MAGI2: variants seen among roughly 807,000 people sequenced by gnomAD.
MAGI2 encodes the protein membrane associated guanylate kinase, WW and PDZ domain containing 2.
A neutral mutation model predicts 133.3 loss-of-function variants in MAGI2; 35 were observed. The observed-to-expected ratio is 0.26, with a 90% CI of 0.20 to 0.35. The LOEUF (loss-of-function observed/expected upper bound fraction) is 0.35, where lower values mean the gene tolerates loss of function less well. Ranked by LOEUF, MAGI2 falls within the 10% of genes least tolerant of loss-of-function variation. The pLI, the probability that MAGI2 is intolerant of heterozygous loss-of-function variation, is 1.00. For synonymous variants in MAGI2, 729 were observed against 710.6 expected, an observed-to-expected ratio of 1.03 and a Z score of -0.41; for missense variants, 1,636 against 1,863.4, an observed-to-expected ratio of 0.88 and a Z score of 2.25.
At chr7:78,817,783 T>C (rs1027057625) in intron 2 of MAGI2, among the ~76,000 whole-genome samples, 5 of 152,018 alleles carry the variant, frequency 3.3e-5, no homozygotes, top group Admixed American at 1.3e-4. Context: ...GATCTTGGCT[T>C]ACTGCAACCT....
At chr7:79,127,980 G>A (rs1168145942) in intron 1 of MAGI2, among the ~76,000 whole-genome samples, 1 of 152,092 alleles carries the variant, frequency 6.6e-6, no homozygotes, top group African/African-American at 2.4e-5. Context: ...TTTTGTATAA[G>A]GTGTAAGGAA....
At position 78,019,687 on chromosome 7, in the gene MAGI2, G is replaced by C. The variant is rs770918988; in HGVS notation, c.3996C>G (p.Pro1332=). The C allele has an allele frequency of 2.0e-6, 3 of 1,481,636 alleles. 1 individual carries two copies. In the South Asian group the frequency reaches 3.9e-5, roughly 19 times the overall value. The allele number at this position is 1,481,636 out of a possible 1,614,324, so 91.8% of individuals were successfully genotyped here. A position where few individuals can be genotyped will look rare whatever the true frequency, so the allele number is the denominator to read the frequency against. Residue 1332 remains proline (P), a synonymous_variant, in exon 22 of 22, where the codon CCC becomes CCG. Transcript: ENST00000354212. The part of the protein sequence containing the change: ...RAARPRLEEA[P]GGQGRPEAGR... Reference sequence around the variant, plus strand: ...CGGCCTCGGGCCGCCCCTGGCCGCCGGGCGCCTCCTCGAGCCTCGGCCGCG... The same window carrying C: ...CGGCCTCGGGCCGCCCCTGGCCGCCCGGCGCCTCCTCGAGCCTCGGCCGCG...
At chr7:79,200,670 G>A (rs948773036) in intron 1 of MAGI2, among the ~76,000 whole-genome samples, 5 of 151,428 alleles carry the variant, frequency 3.3e-5, no homozygotes, top group African/African-American at 1.2e-4. Flanking sequence ...TCACAGTCTT[G>A]TGAAAGTGTT....
At chr7:79,049,131 T>C (rs563732235) in intron 1 of MAGI2, among the ~76,000 whole-genome samples, 2 of 152,024 alleles carry the variant, frequency 1.3e-5, no homozygotes, top group Non-Finnish European at 2.9e-5. Flanking sequence ...ATGTTACTCA[T>C]CCACAAAGGA....
In MAGI2 at chr7:78,461,916, C is replaced by CAAAAAAAAAAAAAAAAAAAAAAAA. The variant is rs55811983; in HGVS notation, c.1045+27821_1045+27844dup. On this transcript the variant is annotated intron_variant, in intron 6 of 21. Transcript: ENST00000354212. ...ACAAGAGCAAAGCAAAATTCCGTCTCAAAAAAAAAAAAAAAAAAAAAAAAA... is the reference window on the plus strand; with the variant it reads ...ACAAGAGCAAAGCAAAATTCCGTCTCAAAAAAAAAAAAAAAAAAAAAAAAAAAAAAAAAAAAAAAAAAAAAAAAA... Among the ~76,000 whole-genome samples the CAAAAAAAAAAAAAAAAAAAAAAAA allele has an allele frequency of 7.5e-4, 23 of 30,526 alleles. 1 individual carries two copies. Among genetic ancestry groups the CAAAAAAAAAAAAAAAAAAAAAAAA allele is most frequent in the East Asian group, 1.1e-3 (1 of 892 alleles). 20.0% of individuals were successfully genotyped at this position (30,526 alleles called of 152,430 possible).
chr7:79,042,930 C>G (rs1463833592), intron 1 of MAGI2, among the ~76,000 whole-genome samples: 2 of 152,006 alleles, frequency 1.3e-5, no homozygotes, highest in Non-Finnish European at 2.9e-5. Flanking sequence ...ACCAAGAAGA[C>G]CCCTCAAAAC....
At chr7:78,459,672 A>G (rs1789752369) in intron 6 of MAGI2, among the ~76,000 whole-genome samples, 2 of 152,162 alleles carry the variant, frequency 1.3e-5, no homozygotes, top group Admixed American at 6.5e-5. Flanking sequence ...TCATGCAGAT[A>G]TTTTCTCTTA....
chr7:78,609,781 A>G (rs985833671), intron 3 of MAGI2, among the ~76,000 whole-genome samples: 2 of 152,160 alleles, frequency 1.3e-5, no homozygotes, highest in Admixed American at 6.5e-5. Flanking sequence ...CCTGTATTCC[A>G]TGCATACTCT....
intron 1 of MAGI2, among the ~76,000 whole-genome samples, chr7:79,087,053 T>C (rs1355548361): frequency 1.3e-5 from 2 of 151,782 alleles, no homozygotes; most frequent in Non-Finnish European, 2.9e-5. Context: ...TCAGAGTTCT[T>C]TGTTAATAAA....
chr7:78,608,523 C>A, intron 3 of MAGI2, among the ~76,000 whole-genome samples: 1 of 151,354 alleles, frequency 6.6e-6, no homozygotes. Context: ...TGTGTCTGTG[C>A]ATGTAGCTTA....
At chr7:79,422,114 C>T (rs1847004667) in intron 1 of MAGI2, among the ~76,000 whole-genome samples, 1 of 152,026 alleles carries the variant, frequency 6.6e-6, no homozygotes, top group Non-Finnish European at 1.5e-5. Flanking sequence ...TGACTTTGGT[C>T]AATTCTGAAA....
chr7:78,973,033 G>A (rs368259216), intron 2 of MAGI2, among the ~76,000 whole-genome samples: 2 of 151,352 alleles, frequency 1.3e-5, no homozygotes, highest in Non-Finnish European at 2.9e-5. Flanking sequence ...GTAGTTACAG[G>A]TACAAAAACT....
intron 2 of MAGI2, among the ~76,000 whole-genome samples, chr7:78,780,739 G>T (rs929365049): frequency 6.6e-6 from 1 of 152,118 alleles, no homozygotes; most frequent in East Asian, 1.9e-4. Flanking sequence ...GGTGTTAATT[G>T]TAGTATTTGT....
chr7:78,982,337 T>C (rs1002765834), intron 2 of MAGI2, among the ~76,000 whole-genome samples: 1 of 151,918 alleles, frequency 6.6e-6, no homozygotes, highest in Non-Finnish European at 1.5e-5. Flanking sequence ...AGCTTCAGTT[T>C]ATTCATGATA....
At chr7:79,445,770 G>T (rs1027237783) in intron 1 of MAGI2, among the ~76,000 whole-genome samples, 3 of 152,134 alleles carry the variant, frequency 2.0e-5, no homozygotes, top group African/African-American at 7.2e-5. Flanking sequence ...ATTCCTCAGG[G>T]ATCTAGAACT....
At chr7:78,893,166 A>T (rs202116580) in intron 2 of MAGI2, among the ~76,000 whole-genome samples, 1 of 147,210 alleles carries the variant, frequency 6.8e-6, no homozygotes, top group African/African-American at 2.4e-5. Context: ...AATGCAAATC[A>T]AAACCACAAG....
chr7:78,622,147 TATGGCTCTACCTC>T (rs1182918465), intron 3 of MAGI2, among the ~76,000 whole-genome samples: 2 of 152,068 alleles, frequency 1.3e-5, no homozygotes, highest in Non-Finnish European at 2.9e-5. Context: ...AAACAGGGTT[TATGGCTCTACCTC>T]CAGTTACATT....
intron 17 of MAGI2, 94 bp from the exon 18 acceptor site, chr7:78,133,154 G>T (rs1016296355): frequency 1.4e-5 from 14 of 993,578 alleles, no homozygotes; most frequent in Non-Finnish European, 1.7e-5. Context: ...TCTGCTGATG[G>T]CTCAGGCTTT....
intron 16 of MAGI2, among the ~76,000 whole-genome samples, chr7:78,153,989 T>C (rs1436349517): frequency 6.6e-6 from 1 of 152,222 alleles, no homozygotes; most frequent in African/African-American, 2.4e-5. Context: ...GCTTTTGTTT[T>C]ACTTTGTGCC....
Sources: allele counts gnomAD v4.1 joint callset (sites outside exome capture counted in the v4.1 genomes callset), GRCh38; gene constraint gnomAD v4.1.1; transcripts MANE v1.5; gene names NCBI Gene and HGNC (gene_info 2026-07-23, HGNC 2026-07-21).